The following PARN variants were observed in gnomAD, a reference collection of about 807,000 sequenced individuals.
PARN encodes the protein poly(A)-specific ribonuclease PARN.
PARN carries 71 observed loss-of-function variants against 102.8 expected under a neutral mutation model. The ratio of observed to expected loss-of-function variants is 0.69; its 90% confidence interval spans 0.57 to 0.84. The LOEUF is 0.84. Ranked by LOEUF, PARN falls within the 40% of genes least tolerant of loss-of-function variation. The pLI is 0.00. For synonymous variants in PARN, 261 were observed against 252.9 expected, an observed-to-expected ratio of 1.03 and a Z score of -0.30; for missense variants, 782 against 760.9, an observed-to-expected ratio of 1.03 and a Z score of -0.33.
chr16:14,616,137 A>G (rs996254301), intron 6 of PARN, among the ~76,000 whole-genome samples: 1 of 152,220 alleles, frequency 6.6e-6, no homozygotes, highest in Middle Eastern at 3.2e-3. Context: ...CCTTGTACAT[A>G]CTTAATACCA....
At chr16:14,496,270 C>T (rs778454176) in intron 21 of PARN, among the ~76,000 whole-genome samples, 10 of 152,250 alleles carry the variant, frequency 6.6e-5, no homozygotes, top group South Asian at 2.1e-4. Flanking sequence ...AAAGCCTCTG[C>T]GCTCACACCC....
intron 19 of PARN, among the ~76,000 whole-genome samples, chr16:14,554,852 T>C (rs1420020740): frequency 6.6e-6 from 1 of 152,066 alleles, no homozygotes; most frequent in Non-Finnish European, 1.5e-5. Flanking sequence ...AAAAAAGCAC[T>C]GTCCAAATTA....
chr16:14,556,119 GCCA>G (rs911222146), intron 18 of PARN, among the ~76,000 whole-genome samples: 1 of 151,216 alleles, frequency 6.6e-6, no homozygotes, highest in African/African-American at 2.4e-5. Context: ...ACAGGCGTGA[GCCA>G]CCACATCTGG....
In PARN at chr16:14,446,930, C is replaced by A. The variant is rs1246506935; in HGVS notation, c.1822G>T (p.Ala608Ser). The A allele has an allele frequency of 1.4e-5, 23 of 1,613,116 alleles. No individual in the cohort carries two copies. Among genetic ancestry groups the A allele is most frequent in the Non-Finnish European group, 1.9e-5 (23 of 1,179,638 alleles). The change falls in exon 23 of 24, where the codon GCC (alanine) becomes TCC (serine). Residue 608 changes from alanine (A) to serine (S), a missense_variant. By Grantham distance (99) the Ala-to-Ser change is moderately conservative. Transcript: ENST00000437198. ...AEPLSEGRKKAKKLKRMKKEL... is the reference protein window; with the variant it reads ...AEPLSEGRKKSKKLKRMKKEL... ...TTCTTCATTCTTTTTAATTTCTTGG[C>A]CTTTTTCCTTCCCTCTGAGAGGGGC...
At chr16:14,573,695 T>C (rs934076529) in intron 18 of PARN, among the ~76,000 whole-genome samples, 3 of 152,040 alleles carry the variant, frequency 2.0e-5, no homozygotes, top group Non-Finnish European at 4.4e-5. Flanking sequence ...TGGGGGCGGA[T>C]CTTTCCTGTA....
rs1307908376 is a variant in PARN at position 14,476,417 on chromosome 16, G to A, written c.1670+6221C>T. Among the ~76,000 whole-genome samples the A allele has an allele frequency of 2.0e-5, 3 of 152,256 alleles. No homozygotes were observed. In the East Asian group the frequency reaches 5.8e-4, roughly 29 times the overall value. On this transcript the variant is annotated intron_variant, in intron 22 of 23. Transcript: ENST00000437198. ...TTGGACAGTATAATTCCAGAGCAAG[G>A]GTCAACTTTTCTCTAAAGGGCCACA...
intron 22 of PARN, among the ~76,000 whole-genome samples, chr16:14,473,063 A>C (rs538619290): frequency 3.1e-4 from 47 of 152,364 alleles, no homozygotes; most frequent in Non-Finnish European, 6.2e-4. Flanking sequence ...GGAAGGCAGA[A>C]TATACATACT....
intron 18 of PARN, among the ~76,000 whole-genome samples, chr16:14,568,128 T>C (rs918768220): frequency 6.6e-6 from 1 of 151,976 alleles, no homozygotes; most frequent in Non-Finnish European, 1.5e-5. Context: ...GACGGGAGAA[T>C]CTTTTGGGTC....
At chr16:14,555,343 A>G (rs753466209) in intron 19 of PARN, among the ~76,000 whole-genome samples, 1 of 152,266 alleles carries the variant, frequency 6.6e-6, no homozygotes, top group African/African-American at 2.4e-5. Flanking sequence ...GACAGCTAGC[A>G]TATCTTAAAA....
chr16:14,437,127 A>T (rs966137702), intron 23 of PARN, among the ~76,000 whole-genome samples: 4 of 152,208 alleles, frequency 2.6e-5, no homozygotes, highest in Non-Finnish European at 1.5e-5. Flanking sequence ...TAATTCATAT[A>T]ATCTTCATTA....
intron 22 of PARN, among the ~76,000 whole-genome samples, chr16:14,468,203 T>G (rs1962483670): frequency 6.6e-6 from 1 of 152,208 alleles, no homozygotes; most frequent in Admixed American, 6.5e-5. Context: ...GGGCTTGAAT[T>G]TATTGATTGG....
At chr16:14,557,663 A>C (rs1967783857) in intron 18 of PARN, among the ~76,000 whole-genome samples, 1 of 152,150 alleles carries the variant, frequency 6.6e-6, no homozygotes, top group African/African-American at 2.4e-5. Flanking sequence ...ACGAAGTCAT[A>C]GTACTCTGTG....
At chr16:14,587,725 A>G (rs1969946821) in intron 13 of PARN, among the ~76,000 whole-genome samples, 1 of 152,246 alleles carries the variant, frequency 6.6e-6, no homozygotes, top group East Asian at 1.9e-4. Context: ...TTCTCTGACA[A>G]TGCCAGAACA....
chr16:14,551,475 A>C (rs1967299138), intron 21 of PARN, among the ~76,000 whole-genome samples: 2 of 151,956 alleles, frequency 1.3e-5, no homozygotes, highest in Admixed American at 1.3e-4. Context: ...AGGCTGAGAC[A>C]GGAGAAGTGC....
chr16:14,586,099 C>A (rs1414725017), intron 14 of PARN, among the ~76,000 whole-genome samples: 1 of 151,542 alleles, frequency 6.6e-6, no homozygotes, highest in Admixed American at 6.6e-5. Context: ...CCCACTTCAG[C>A]CTCCTGAGTA....
At chr16:14,462,685 G>T (rs1277553769) in intron 22 of PARN, among the ~76,000 whole-genome samples, 1 of 152,060 alleles carries the variant, frequency 6.6e-6, no homozygotes, top group Admixed American at 6.6e-5. Context: ...GAAAAAAGAG[G>T]CTCTATAAAA....
chr16:14,586,547 C>T (rs1362799996), intron 13 of PARN, among the ~76,000 whole-genome samples, 186 bp from the exon 14 acceptor site: 1 of 152,166 alleles, frequency 6.6e-6, no homozygotes, highest in Non-Finnish European at 1.5e-5. Flanking sequence ...AATTTCCTCA[C>T]TCATTGGGAA....
At chr16:14,625,439 G>A (rs374790239) in intron 5 of PARN, among the ~76,000 whole-genome samples, 1 of 152,162 alleles carries the variant, frequency 6.6e-6, no homozygotes, top group African/African-American at 2.4e-5. Flanking sequence ...AGAGGTTACA[G>A]TGAGCCTAGA....
At chr16:14,469,862 A>G (rs887415810) in intron 22 of PARN, among the ~76,000 whole-genome samples, 6 of 152,238 alleles carry the variant, frequency 3.9e-5, no homozygotes, top group East Asian at 1.9e-4. Flanking sequence ...GGCAACTCAA[A>G]CAGAAAATCT....
Sources: allele counts gnomAD v4.1 joint callset (sites outside exome capture counted in the v4.1 genomes callset), GRCh38; gene constraint gnomAD v4.1.1; transcripts MANE v1.5; gene names NCBI Gene and HGNC (gene_info 2026-07-23, HGNC 2026-07-21).